The following SHPRH variants were observed in gnomAD, a reference collection of about 807,000 sequenced individuals.
The protein encoded by SHPRH is E3 ubiquitin-protein ligase SHPRH.
In SHPRH, 106 loss-of-function variants were observed where a neutral mutation model predicts 202.5. That is an observed-to-expected ratio of 0.52 (90% confidence interval 0.45 to 0.62). The LOEUF (loss-of-function observed/expected upper bound fraction) is 0.62, where lower values mean the gene tolerates loss of function less well. SHPRH is among the 20% of genes least tolerant of loss of function. The probability of loss-of-function intolerance (pLI) is 0.00; values close to 1 mark genes in which losing one functional copy is unlikely to be tolerated. For synonymous variants in SHPRH, 729 were observed against 686.0 expected (o/e 1.06, Z -0.98); for missense variants, 1,710 against 2,020.0 (o/e 0.85, Z 2.94).
chr6:145,932,965 C>CA (rs1582745361), intron 14 of SHPRH, 92 bp downstream of exon 14: 3 of 1,178,132 alleles, frequency 2.5e-6, no homozygotes, highest in Non-Finnish European at 2.2e-6. Flanking sequence ...GGGGAAAAAT[C>CA]CCCCCCCCAA....
At chr6:145,861,125 A>G (rs1021368265), downstream of SHPRH, among the ~76,000 whole-genome samples, 1 of 152,188 alleles carries the variant, frequency 6.6e-6, no homozygotes, top group African/African-American at 2.4e-5. Flanking sequence ...AAAAATAAAC[A>G]AGTAGGATTA....
chr6:145,937,046 C>CA (rs1276742445), intron 11 of SHPRH, among the ~76,000 whole-genome samples: 1 of 144,394 alleles, frequency 6.9e-6, no homozygotes, highest in Non-Finnish European at 1.5e-5. Flanking sequence ...GGCAACGGTG[C>CA]AATCTCAGCT....
chr6:145,936,858 T>C (rs1481847148), intron 11 of SHPRH, among the ~76,000 whole-genome samples: 2 of 152,176 alleles, frequency 1.3e-5, no homozygotes, highest in Non-Finnish European at 2.9e-5. Context: ...CACAGATTTA[T>C]ATTTTTAGCT....
chr6:145,963,670 G>A (rs756720698), intron 1 of SHPRH, 61 bp downstream of exon 1: 1 of 152,216 alleles, frequency 6.6e-6, no homozygotes, highest in Non-Finnish European at 1.5e-5. Context: ...CGCGCACAAA[G>A]AAGGGAGGCG....
chr6:145,933,289 G>T, intron 13 of SHPRH, 111 bp from the exon 14 acceptor site: 3 of 1,459,120 alleles, frequency 2.1e-6, no homozygotes, highest in African/African-American at 1.4e-5. Flanking sequence ...CAGTTTTTGT[G>T]GTATCTCTAG....
intron 15 of SHPRH, among the ~76,000 whole-genome samples, chr6:145,926,584 T>C (rs1784900445): frequency 6.6e-6 from 1 of 151,944 alleles, no homozygotes; most frequent in Admixed American, 6.6e-5. Flanking sequence ...ATATCCACTC[T>C]GGTACTTGTG....
chr6:145,939,919 A>G (rs1019560852), intron 11 of SHPRH, among the ~76,000 whole-genome samples: 6 of 152,276 alleles, frequency 3.9e-5, no homozygotes, highest in South Asian at 2.1e-4. Flanking sequence ...TTTCAGAAAG[A>G]TAAGTTTTGA....
Position 145,946,334 on chromosome 6 carries a change from A to G in SHPRH, c.1220T>C (p.Val407Ala). The stretch of plus-strand genomic sequence containing the variant: ...ATGTGACGGAATAAAATAATTCACC[A>G]CTTTTCCCTGATACAAACAACAGTC... ...QDALTLPEGK[V>A]VNYFIPSHYF... The change falls in exon 7 of 30, where the codon GTG becomes GCG. Residue 407 changes from valine (V) to alanine (A), a missense_variant. Around this residue, in one of 8 missense-constraint regions of SHPRH, gnomAD observed 348 missense variants for 356.9 expected, o/e 0.97. Transcript: ENST00000275233. 2 of 1,602,972 alleles carry G rather than the reference A, an allele frequency of 1.2e-6. No individual in the cohort carries two copies. The highest frequency in any genetic ancestry group is 1.1e-5 in the South Asian group (1 of 89,724).
At chr6:145,924,670 C>T (rs1282872573) in intron 17 of SHPRH, 69 bp downstream of exon 17, 1 of 1,399,758 alleles carries the variant, frequency 7.1e-7, no homozygotes, top group Non-Finnish European at 1.0e-6. Context: ...TTTCTCCCCA[C>T]CAAAAAACCA....
intron 25 of SHPRH, chr6:145,908,374 C>G (rs888944810): frequency 3.3e-5 from 5 of 152,094 alleles, no homozygotes; most frequent in Non-Finnish European, 5.9e-5. Flanking sequence ...AATTTATATT[C>G]CTACCAACAG....
At chr6:145,940,215 A>G (rs1390512416) in intron 11 of SHPRH, among the ~76,000 whole-genome samples, 1 of 152,178 alleles carries the variant, frequency 6.6e-6, no homozygotes, top group Non-Finnish European at 1.5e-5. Flanking sequence ...GTATATACAT[A>G]TAGTGTGACA....
chr6:145,900,432 T>C (rs1782392618), intron 25 of SHPRH, among the ~76,000 whole-genome samples: 1 of 152,068 alleles, frequency 6.6e-6, no homozygotes, highest in Admixed American at 6.6e-5. Context: ...ATCTCACTTA[T>C]ATGGGATATC....
Position 145,943,806 on chromosome 6 carries a change from T to C in SHPRH, c.1579-4A>G. The C allele has an allele frequency of 6.4e-7, 1 of 1,551,542 alleles. No homozygotes were observed. The highest frequency in any genetic ancestry group is 8.6e-7 in the Non-Finnish European group (1 of 1,156,554). The stretch of plus-strand genomic sequence containing the variant: ...TTTTCCTTGGACTCCCTACTGCCTA[T>C]GAAAAAAATATTTAATTAATTGATT... On this transcript the variant is annotated splice_polypyrimidine_tract_variant and splice_region_variant and intron_variant, in intron 8 of 29. Coordinates refer to ENST00000275233, the MANE Select transcript of SHPRH (RefSeq NM_001042683.3).
intron 2 of SHPRH, among the ~76,000 whole-genome samples, chr6:145,869,403 A>G (rs1014572492): frequency 2.6e-5 from 4 of 152,320 alleles, no homozygotes; most frequent in African/African-American, 9.6e-5. Flanking sequence ...GTAGTCAAAA[A>G]GTCATTGCCA....
chr6:145,957,909 C>G (rs1460505708), intron 1 of SHPRH, among the ~76,000 whole-genome samples: 6 of 152,146 alleles, frequency 3.9e-5, no homozygotes, highest in Admixed American at 3.9e-4. Flanking sequence ...AAGCCCCAAA[C>G]TGGAAGAAAA....
At chr6:145,952,913 T>TA (rs1354613814) in intron 2 of SHPRH, among the ~76,000 whole-genome samples, 1 of 152,128 alleles carries the variant, frequency 6.6e-6, no homozygotes, top group East Asian at 1.9e-4. Flanking sequence ...CTAAAACGTG[T>TA]AAAAAAACAG....
chr6:145,897,270 A>T (rs1275862549), intron 25 of SHPRH, among the ~76,000 whole-genome samples: 10 of 152,072 alleles, frequency 6.6e-5, no homozygotes. Flanking sequence ...CTATACGCCA[A>T]GAAATCAGAA....
In SHPRH at chr6:145,886,238, A is replaced by G; in HGVS notation, c.*453T>C. Reference sequence around the variant, plus strand: ...TAATATAATTCACCATCTACTTAAAATATTACTAACAAGATATTGGTGAAT... The same window carrying G: ...TAATATAATTCACCATCTACTTAAAGTATTACTAACAAGATATTGGTGAAT... On this transcript the variant is annotated 3_prime_UTR_variant, in exon 30 of 30. Coordinates refer to ENST00000275233, the MANE Select transcript of SHPRH (RefSeq NM_001042683.3). 2.2e-6 allele frequency: 1 copy of G among 459,220 alleles called. No homozygotes were observed. Among genetic ancestry groups the G allele is most frequent in the Non-Finnish European group, 4.1e-6 (1 of 244,890 alleles). The allele number at this position is 459,220 out of a possible 1,614,324, so 28.4% of individuals were successfully genotyped here.
At chr6:145,888,843 T>C (rs1452632728) in intron 28 of SHPRH, among the ~76,000 whole-genome samples, 2 of 152,106 alleles carry the variant, frequency 1.3e-5, no homozygotes, top group Non-Finnish European at 1.5e-5. Flanking sequence ...CAAGTAGATT[T>C]GGAATATCTT....
Sources: gnomAD v4.1 joint callset for allele counts (sites outside exome capture counted in the v4.1 genomes callset) on GRCh38, gnomAD v4.1.1 for gene constraint, gnomAD v4.1.1 regional missense constraint, MANE v1.5 for transcripts, NCBI Gene and HGNC (gene_info 2026-07-23, HGNC 2026-07-21) for gene names.